The following CCDC146 variants were observed in gnomAD, a reference collection of about 807,000 sequenced individuals.
The protein encoded by CCDC146 is coiled-coil domain containing 146, also known as coiled-coil domain-containing protein 146.
A neutral mutation model predicts 119.3 loss-of-function variants in CCDC146; 92 were observed. The observed-to-expected ratio is 0.77, with a 90% CI of 0.65 to 0.92. The LOEUF (loss-of-function observed/expected upper bound fraction) is 0.92. Among genes scored for constraint, CCDC146 ranks in the 40% least tolerant of loss-of-function variants. The pLI, the probability that CCDC146 is intolerant of heterozygous loss-of-function variation, is 0.00. For synonymous variants in CCDC146, 372 were observed against 371.8 expected (o/e 1.00, Z -0.01); for missense variants, 1,000 against 1,103.0 (o/e 0.91, Z 1.32).
intron 2 of CCDC146, among the ~76,000 whole-genome samples, chr7:77,190,305 A>G (rs1320018332): frequency 2.0e-5 from 3 of 152,248 alleles, no homozygotes; most frequent in Non-Finnish European, 4.4e-5. Context: ...TACCTATACC[A>G]GTAAATTCAG....
At chr7:77,161,454 G>A (rs9801498) in intron 1 of CCDC146, among the ~76,000 whole-genome samples, 1 of 151,790 alleles carries the variant, frequency 6.6e-6, no homozygotes, top group South Asian at 2.1e-4. Flanking sequence ...ATACTATGCA[G>A]CCATAAAAAA....
chr7:77,208,245 T>C (rs1313863908), intron 2 of CCDC146, among the ~76,000 whole-genome samples: 1 of 152,204 alleles, frequency 6.6e-6, no homozygotes. Flanking sequence ...TGGCACAGTA[T>C]CTACAGTCAT....
rs565025570 is a variant in CCDC146, at chr7:77,156,234, G to A, written c.-11-11424G>A. ...TTTAAAGGCCAGATATGCACTTGAA[G>A]CTTTCTTTCAGAGTTTTGCTATTTG... On this transcript the variant is annotated intron_variant, in intron 1 of 18. Transcript: ENST00000285871. 4.6e-5 allele frequency among the ~76,000 whole-genome samples: 7 copies of A among 152,312 alleles called. No homozygotes were observed. The East Asian group carries it at 1.3e-3, about 29-fold the overall frequency.
At chr7:77,268,709 A>G (rs1793453517) in intron 9 of CCDC146, among the ~76,000 whole-genome samples, 1 of 152,210 alleles carries the variant, frequency 6.6e-6, no homozygotes. Context: ...AAGACCTTGC[A>G]TGCTAAAAAA....
intron 1 of CCDC146, among the ~76,000 whole-genome samples, chr7:77,161,924 C>G (rs1022146691): frequency 6.6e-6 from 1 of 152,010 alleles, no homozygotes; most frequent in Non-Finnish European, 1.5e-5. Flanking sequence ...TTTTTATGTA[C>G]TTGTTGGCCA....
intron 2 of CCDC146, chr7:77,199,073 A>T (rs1791929050): frequency 1.1e-6 from 1 of 942,030 alleles, no homozygotes; most frequent in Non-Finnish European, 1.6e-6. Context: ...TAAATAAAAG[A>T]CTTAATCTGT....
At chr7:77,244,057 T>C (rs1301140836) in intron 4 of CCDC146, among the ~76,000 whole-genome samples, 1 of 152,194 alleles carries the variant, frequency 6.6e-6, no homozygotes, top group Non-Finnish European at 1.5e-5. Context: ...TTTGTATTTT[T>C]AGTAGAGACG....
At chr7:77,228,967 T>G (rs1486932636) in intron 2 of CCDC146, among the ~76,000 whole-genome samples, 1 of 152,202 alleles carries the variant, frequency 6.6e-6, no homozygotes, top group Non-Finnish European at 1.5e-5. Flanking sequence ...CCAGCATGCA[T>G]TAGCTATTTT....
chr7:77,280,069 C>A (rs1264320923), intron 13 of CCDC146, among the ~76,000 whole-genome samples: 3 of 152,162 alleles, frequency 2.0e-5, no homozygotes, highest in African/African-American at 4.8e-5. Context: ...GAGTCAGGCA[C>A]CACCTTATGT....
intron 18 of CCDC146, among the ~76,000 whole-genome samples, chr7:77,293,555 T>C (rs1231459711): frequency 6.6e-6 from 1 of 152,218 alleles, no homozygotes; most frequent in African/African-American, 2.4e-5. Context: ...TCAGACCACA[T>C]CTGACTGTTC....
intron 2 of CCDC146, among the ~76,000 whole-genome samples, chr7:77,174,531 G>T (rs1029636353): frequency 2.6e-5 from 4 of 152,250 alleles, no homozygotes; most frequent in Non-Finnish European, 4.4e-5. Flanking sequence ...CTAGAATGAG[G>T]TTGGTAACTT....
Position 77,282,795 on chromosome 7 carries a change from T to C in CCDC146, c.2148+10T>C, listed in dbSNP as rs1793787195. 1 of 1,585,626 alleles carries C rather than the reference T, an allele frequency of 6.3e-7. No homozygotes were observed. Among genetic ancestry groups the C allele is most frequent in the Admixed American group, 1.7e-5 (1 of 59,746 alleles). ...TGTGCTCCAAATTCAGGTGGGTGAG[T>C]GATCACGGGACACTTCCTCAGACCA... is the stretch of plus-strand genomic sequence containing the variant. On this transcript the variant is annotated intron_variant, in intron 15 of 18. Coordinates refer to ENST00000285871, the MANE Select transcript of CCDC146 (RefSeq NM_020879.3).
At chr7:77,180,286 A>T (rs1009421625) in intron 2 of CCDC146, among the ~76,000 whole-genome samples, 3 of 152,066 alleles carry the variant, frequency 2.0e-5, no homozygotes, top group African/African-American at 7.2e-5. Context: ...ACACACACAC[A>T]CACACACACC....
chr7:77,271,479 T>TATATA (rs1491134992), intron 9 of CCDC146, among the ~76,000 whole-genome samples: 56 of 73,822 alleles, frequency 7.6e-4, no homozygotes, highest in East Asian at 4.6e-3. Flanking sequence ...CCTTTTTATT[T>TATATA]TATATATATA....
chr7:77,229,067 A>G (rs187600289), intron 2 of CCDC146, among the ~76,000 whole-genome samples: 1 of 152,240 alleles, frequency 6.6e-6, no homozygotes, highest in Admixed American at 6.5e-5. Flanking sequence ...CATTTCTCTA[A>G]TGGTCAGTGA....
At chr7:77,244,617 C>T (rs1304500846) in intron 4 of CCDC146, among the ~76,000 whole-genome samples, 1 of 152,230 alleles carries the variant, frequency 6.6e-6, no homozygotes, top group African/African-American at 2.4e-5. Context: ...GTGCAGTAGG[C>T]TTTACCACAT....
At chr7:77,136,959 A>G (rs1790869394) in intron 1 of CCDC146, among the ~76,000 whole-genome samples, 2 of 152,204 alleles carry the variant, frequency 1.3e-5, no homozygotes, top group Non-Finnish European at 2.9e-5. Flanking sequence ...TCAAAAATCA[A>G]TAGATGTAAT....
intron 2 of CCDC146, among the ~76,000 whole-genome samples, chr7:77,215,361 T>C (rs530754784): frequency 2.0e-5 from 3 of 152,056 alleles, no homozygotes; most frequent in Non-Finnish European, 4.4e-5. Context: ...CTTGGGTAGA[T>C]TTTTTGCTTT....
chr7:77,286,681 C>G lies in CCDC146; in HGVS notation c.2149-117C>G, dbSNP rs77137962. The G allele has an allele frequency of 6.0e-3, 5,558 of 933,354 alleles. 197 individuals carry two copies. The African/African-American group carries it at 0.078, about 13-fold the overall frequency. 57.8% of individuals were successfully genotyped at this position (933,354 alleles called of 1,614,324 possible). On this transcript the variant is annotated intron_variant, in intron 15 of 18. Coordinates refer to ENST00000285871, the MANE Select transcript of CCDC146 (RefSeq NM_020879.3). ...TGGGGTGTTAAGAAAACAGAGTTCT[C>G]TTCTACCCTTGTCTGGGTTGGTCCT... is the stretch of plus-strand genomic sequence containing the variant.
Sources: allele counts gnomAD v4.1 joint callset (sites outside exome capture counted in the v4.1 genomes callset), GRCh38; gene constraint gnomAD v4.1.1; transcripts MANE v1.5; gene names NCBI Gene and HGNC (gene_info 2026-07-23, HGNC 2026-07-21).